SNTG1: variants seen among roughly 807,000 people sequenced by gnomAD.
SNTG1 encodes syntrophin gamma 1.
SNTG1 carries 39 observed loss-of-function variants against 74.7 expected under a neutral mutation model. The ratio of observed to expected loss-of-function variants is 0.52; its 90% CI spans 0.40 to 0.68. SNTG1 has a LOEUF of 0.68. Among genes scored for constraint, SNTG1 ranks in the 30% least tolerant of loss-of-function variants. The pLI, the probability that SNTG1 is intolerant of heterozygous loss-of-function variation, is 0.00. For synonymous variants in SNTG1, 254 were observed against 217.1 expected (o/e 1.17, Z -1.49); for missense variants, 685 against 609.5 (o/e 1.12, Z -1.30).
intron 9 of SNTG1, among the ~76,000 whole-genome samples, chr8:50,508,568 C>T (rs1010413184): frequency 3.9e-5 from 6 of 152,194 alleles, no homozygotes; most frequent in Non-Finnish European, 5.9e-5. Context: ...TCTCCACATC[C>T]TCTCCAGCAC....
chr8:50,480,616 A>T (rs1363519427), intron 8 of SNTG1, among the ~76,000 whole-genome samples: 1 of 152,240 alleles, frequency 6.6e-6, no homozygotes. Context: ...TGTTAACAAC[A>T]TAAAAAAGTC....
intron 2 of SNTG1, among the ~76,000 whole-genome samples, chr8:50,256,908 G>C (rs1327383162): frequency 6.6e-6 from 1 of 152,132 alleles, no homozygotes; most frequent in East Asian, 1.9e-4. Flanking sequence ...ACAATAATCT[G>C]TGACATTTGA....
At position 49,966,127 on chromosome 8, in the gene SNTG1, T is replaced by A. The variant is rs370195858; in HGVS notation, c.-103+53896T>A. ...TTGCTCAAGTCTCTCTTGGACTATT[T>A]TTCTTGTCTCTATTGGGAAAATCTG... On this transcript the variant is annotated intron_variant, in intron 1 of 18. Transcript: ENST00000642720. Among the ~76,000 whole-genome samples, 6 of 152,318 alleles carry A rather than the reference T, an allele frequency of 3.9e-5. No homozygotes were observed. In the East Asian group the frequency reaches 1.2e-3, roughly 29 times the overall value.
At chr8:50,541,911 C>T (rs2094350045) in intron 11 of SNTG1, among the ~76,000 whole-genome samples, 1 of 151,712 alleles carries the variant, frequency 6.6e-6, no homozygotes, top group Non-Finnish European at 1.5e-5. Context: ...TGAGTGAGAA[C>T]ATGGAATACT....
chr8:50,577,853 A>G (rs914607928), intron 12 of SNTG1, among the ~76,000 whole-genome samples: 3 of 152,218 alleles, frequency 2.0e-5, no homozygotes, highest in African/African-American at 7.2e-5. Context: ...ACAAAGAAAG[A>G]GGTTAAATCA....
intron 1 of SNTG1, among the ~76,000 whole-genome samples, chr8:50,014,296 A>C (rs903418987): frequency 6.6e-6 from 1 of 152,102 alleles, no homozygotes; most frequent in African/African-American, 2.4e-5. Context: ...GATTTGACCC[A>C]CAGCTCAACT....
intron 13 of SNTG1, among the ~76,000 whole-genome samples, chr8:50,599,979 T>A (rs1563631376): frequency 6.6e-6 from 1 of 152,138 alleles, no homozygotes; most frequent in Non-Finnish European, 1.5e-5. Context: ...TTGAGATATG[T>A]TCCTTGTATT....
intron 15 of SNTG1, among the ~76,000 whole-genome samples, chr8:50,697,525 C>G (rs1203062946): frequency 6.6e-6 from 1 of 152,118 alleles, no homozygotes; most frequent in Non-Finnish European, 1.5e-5. Flanking sequence ...GGAATACTTT[C>G]AACTTTTCCA....
intron 2 of SNTG1, among the ~76,000 whole-genome samples, chr8:50,204,440 T>C (rs1243657588): frequency 6.6e-6 from 1 of 151,722 alleles, no homozygotes; most frequent in African/African-American, 2.4e-5. Context: ...AGACAATATT[T>C]GTCTGGACTA....
chr8:50,003,605 A>C (rs1177992923), intron 1 of SNTG1, among the ~76,000 whole-genome samples: 1 of 151,820 alleles, frequency 6.6e-6, no homozygotes. Flanking sequence ...TTACAGTGCG[A>C]AATTTACTTT....
At chr8:50,712,965 C>T (rs992437860) in intron 17 of SNTG1, among the ~76,000 whole-genome samples, 1 of 152,114 alleles carries the variant, frequency 6.6e-6, no homozygotes, top group Non-Finnish European at 1.5e-5. Context: ...AATAAACATA[C>T]GTGTGCATGT....
chr8:50,317,422 T>C lies in SNTG1; in HGVS notation c.-27-76790T>C, dbSNP rs893018856. Among the ~76,000 whole-genome samples, 13 of 152,248 alleles carry C rather than the reference T, an allele frequency of 8.5e-5. 1 individual carries two copies. Among genetic ancestry groups the C allele is most frequent in the African/African-American group, 2.4e-4 (10 of 41,464 alleles). On this transcript the variant is annotated intron_variant, in intron 2 of 18. Coordinates refer to ENST00000642720, the MANE Select transcript of SNTG1 (RefSeq NM_018967.5). Reference sequence around the variant, plus strand: ...ATAGAAAAGTTAACTTACAGAGTTCTACACATCAGCCCTTTAGCAACAGTA... The same window carrying C: ...ATAGAAAAGTTAACTTACAGAGTTCCACACATCAGCCCTTTAGCAACAGTA...
intron 1 of SNTG1, among the ~76,000 whole-genome samples, chr8:50,052,650 A>G (rs1013897927): frequency 2.0e-5 from 3 of 152,144 alleles, no homozygotes; most frequent in African/African-American, 7.2e-5. Context: ...AATTAGATAA[A>G]CTATTTGTCA....
intron 4 of SNTG1, among the ~76,000 whole-genome samples, chr8:50,420,895 C>A (rs181020523): frequency 6.6e-6 from 1 of 151,380 alleles, no homozygotes; most frequent in African/African-American, 2.4e-5. Flanking sequence ...TGTGGTGGCA[C>A]GTGCCTGTGG....
At chr8:50,102,097 T>C (rs1439650767) in intron 1 of SNTG1, among the ~76,000 whole-genome samples, 2 of 151,776 alleles carry the variant, frequency 1.3e-5, no homozygotes, top group Non-Finnish European at 2.9e-5. Context: ...CTGGGTCAAA[T>C]GGTATTTCTA....
chr8:50,612,533 T>G (rs2094858028), intron 13 of SNTG1, among the ~76,000 whole-genome samples: 1 of 152,232 alleles, frequency 6.6e-6, no homozygotes, highest in East Asian at 1.9e-4. Context: ...TAGAAAAGAA[T>G]GTTCCACCTT....
intron 11 of SNTG1, among the ~76,000 whole-genome samples, chr8:50,548,267 G>T (rs1358219854): frequency 2.0e-5 from 3 of 152,164 alleles, no homozygotes; most frequent in African/African-American, 7.2e-5. Flanking sequence ...CACGTAATTT[G>T]TGTGGATGAA....
chr8:50,531,047 C>A (rs890733816), intron 10 of SNTG1, among the ~76,000 whole-genome samples: 1 of 152,122 alleles, frequency 6.6e-6, no homozygotes, highest in African/African-American at 2.4e-5. Flanking sequence ...ATAGCTTCTT[C>A]AACCGACTGG....
At chr8:50,211,062 G>C (rs2084499587) in intron 2 of SNTG1, among the ~76,000 whole-genome samples, 2 of 152,060 alleles carry the variant, frequency 1.3e-5, no homozygotes, top group South Asian at 2.1e-4. Flanking sequence ...ACAATATTAA[G>C]TTGGAATATG....
Sources: allele counts gnomAD v4.1 joint callset (sites outside exome capture counted in the v4.1 genomes callset), GRCh38; gene constraint gnomAD v4.1.1; transcripts MANE v1.5; gene names NCBI Gene and HGNC (gene_info 2026-07-23, HGNC 2026-07-21).